Variants in PCDHA2 observed in about 807,000 individuals in gnomAD.
PCDHA2 encodes protocadherin alpha 2, also known as protocadherin alpha-2.
PCDHA2 carries 58 observed loss-of-function variants against 66.0 expected under a neutral mutation model. The observed-to-expected ratio is 0.88, with a 90% CI of 0.71 to 1.09. The LOEUF (loss-of-function observed/expected upper bound fraction) is 1.09. PCDHA2 is among the 50% of genes least tolerant of loss of function. The pLI, the probability that PCDHA2 is intolerant of heterozygous loss-of-function variation, is 0.00. For synonymous variants in PCDHA2, 634 were observed against 554.0 expected, an observed-to-expected ratio of 1.14 and a Z score of -2.03; for missense variants, 1,267 against 1,242.3, an observed-to-expected ratio of 1.02 and a Z score of -0.30.
At position 140,851,080 on chromosome 5, in the gene PCDHA2, T is replaced by C. The variant is rs1329158388; in HGVS notation, c.2388+53728T>C. On this transcript the variant is annotated intron_variant, in intron 1 of 3. Coordinates refer to ENST00000526136, the MANE Select transcript of PCDHA2 (RefSeq NM_018905.3). ...GACTTCTAGTGAGAATTATAAACTGTATATTAAATAGATATTTTTTGGGTG... is the reference window on the plus strand; with the variant it reads ...GACTTCTAGTGAGAATTATAAACTGCATATTAAATAGATATTTTTTGGGTG... 5 of 1,302,950 alleles carry C rather than the reference T, an allele frequency of 3.8e-6. No individual in the cohort carries two copies. In the African/African-American group the frequency reaches 6.1e-5, roughly 16 times the overall value. The allele number at this position is 1,302,950 out of a possible 1,614,324, so 80.7% of individuals were successfully genotyped here.
intron 1 of PCDHA2, chr5:140,967,906 C>T (rs529421659): frequency 1.2e-6 from 2 of 1,614,208 alleles, no homozygotes; most frequent in Non-Finnish European, 1.7e-6. Context: ...ATGCTACACC[C>T]AACACCATTG....
intron 3 of PCDHA2, among the ~76,000 whole-genome samples, chr5:140,986,151 G>T (rs547474191): frequency 6.6e-6 from 1 of 152,316 alleles, no homozygotes; most frequent in East Asian, 1.9e-4. Flanking sequence ...GCATCACCAA[G>T]TAATGTTTTC....
At position 140,795,814 on chromosome 5, in the gene PCDHA2, G is replaced by A; in HGVS notation, c.850G>A (p.Asp284Asn). The part of the protein sequence containing the change: ...NSEIVYSLGS[D>N]VSSTIQTKFT... ...CGAGATTGTGTATTCACTCGGTAGT[G>A]ATGTGTCCTCCACTATACAGACTAA... Residue 284 changes from aspartate (D) to asparagine (N), a missense_variant, in exon 1 of 4, where the codon GAT becomes AAT. Physicochemically the swap from Asp to Asn is conservative, Grantham distance 23. Coordinates refer to ENST00000526136, the MANE Select transcript of PCDHA2 (RefSeq NM_018905.3). The A allele has an allele frequency of 6.2e-7, 1 of 1,613,750 alleles. No homozygotes were observed. The highest frequency in any genetic ancestry group is 8.5e-7 in the Non-Finnish European group (1 of 1,179,846).
rs142640080 is a variant in PCDHA2 at position 140,917,521 on chromosome 5, C to T, written c.2389-61428C>T. Among the ~76,000 whole-genome samples the T allele has an allele frequency of 5.8e-4, 88 of 152,256 alleles. 1 individual carries two copies. In the East Asian group the frequency reaches 0.015, roughly 26 times the overall value. On this transcript the variant is annotated intron_variant, in intron 1 of 3. Transcript: ENST00000526136. ...ATGATATTTTCTAGGTTTTATTCTA[C>T]GGTTTGTATAGTTTTAGGTTTTACA...
At chr5:140,825,666 C>T (rs1209779806) in intron 1 of PCDHA2, 2 of 152,100 alleles carry the variant, frequency 1.3e-5, no homozygotes, top group Non-Finnish European at 2.9e-5. Context: ...AGGTGATTTA[C>T]CCGCCTCGGC....
chr5:140,886,827 GAAA>G (rs782016620), intron 1 of PCDHA2, among the ~76,000 whole-genome samples: 1 of 60,882 alleles, frequency 1.6e-5, no homozygotes. Flanking sequence ...ACTTCGTCTT[GAAA>G]AAAAAAAAAA....
At position 140,828,002 on chromosome 5, in the gene PCDHA2, G is replaced by A. The variant is rs2150150131; in HGVS notation, c.2388+30650G>A. 1.2e-5 allele frequency: 18 copies of A among 1,499,082 alleles called. No individual in the cohort carries two copies. In the African/African-American group the frequency reaches 1.5e-4, roughly 13 times the overall value. 92.9% of individuals were successfully genotyped at this position (1,499,082 alleles called of 1,614,324 possible). ...TGACTGTTGAATGATGGCGGACGCAGAAGAAATGGATTAATAAATTCCGGA... is the reference window on the plus strand; with the variant it reads ...TGACTGTTGAATGATGGCGGACGCAAAAGAAATGGATTAATAAATTCCGGA... On this transcript the variant is annotated intron_variant, in intron 1 of 3. Transcript: ENST00000526136.
chr5:140,855,827 A>G lies in PCDHA2; in HGVS notation c.2388+58475A>G. 2 of 557,722 alleles carry G rather than the reference A, an allele frequency of 3.6e-6. 1 individual carries two copies. Among genetic ancestry groups the G allele is most frequent in the South Asian group, 5.7e-5 (2 of 35,188 alleles). 34.5% of individuals were successfully genotyped at this position (557,722 alleles called of 1,614,324 possible). A position where few individuals can be genotyped will look rare whatever the true frequency, so the allele number is the denominator to read the frequency against. The stretch of plus-strand genomic sequence containing the variant: ...GAAAGAAAAGTTGTGAACTCATGGA[A>G]TCGTACTTACACCTAAAGCCACCGG... On this transcript the variant is annotated intron_variant, in intron 1 of 3. Coordinates refer to ENST00000526136, the MANE Select transcript of PCDHA2 (RefSeq NM_018905.3).
chr5:140,801,664 G>A, intron 1 of PCDHA2: 1 of 1,614,186 alleles, frequency 6.2e-7, no homozygotes, highest in Non-Finnish European at 8.5e-7. Context: ...TCGCTAGAGG[G>A]CGCATCAGAT....
At chr5:140,954,781 T>A (rs1312700733) in intron 1 of PCDHA2, among the ~76,000 whole-genome samples, 1 of 152,208 alleles carries the variant, frequency 6.6e-6, no homozygotes, top group Non-Finnish European at 1.5e-5. Flanking sequence ...TTTAATTAGA[T>A]CTCATTTGTC....
chr5:140,980,699 A>G (rs1183109723), intron 2 of PCDHA2, among the ~76,000 whole-genome samples: 1 of 152,186 alleles, frequency 6.6e-6, no homozygotes, highest in African/African-American at 2.4e-5. Flanking sequence ...AAAAAAGCCA[A>G]ATGTGCTCCT....
intron 3 of PCDHA2, among the ~76,000 whole-genome samples, chr5:141,005,688 C>T (rs1411519222): frequency 2.8e-5 from 3 of 107,694 alleles, no homozygotes; most frequent in African/African-American, 7.9e-5. Context: ...GGCGACAGAG[C>T]GAAACTCCGT....
chr5:140,801,966 A>C, intron 1 of PCDHA2: 2 of 1,614,214 alleles, frequency 1.2e-6, no homozygotes, highest in African/African-American at 1.3e-5. Flanking sequence ...AAATGCACCA[A>C]ATGGTACCCT....
chr5:140,920,570 G>A (rs2153557888), intron 1 of PCDHA2, among the ~76,000 whole-genome samples: 1 of 152,186 alleles, frequency 6.6e-6, no homozygotes, highest in Non-Finnish European at 1.5e-5. Flanking sequence ...CTTAGGCCAG[G>A]AGCAGTGGCT....
intron 1 of PCDHA2, among the ~76,000 whole-genome samples, chr5:140,844,605 G>GA (rs1306948486): frequency 6.7e-6 from 1 of 149,186 alleles, no homozygotes; most frequent in Non-Finnish European, 1.5e-5. Context: ...ATATGACTTA[G>GA]AAAAATGTTT....
In PCDHA2 at chr5:140,795,221, T is replaced by C. The variant is rs200649333; in HGVS notation, c.257T>C (p.Val86Ala). ...EVNLQNGILFVNSRIDREELC... is the reference protein window; with the variant it reads ...EVNLQNGILFANSRIDREELC... ...AATCTGCAGAATGGCATTTTGTTTG[T>C]GAATTCTCGGATCGACCGGGAGGAG... The change falls in exon 1 of 4, where the codon GTG becomes GCG. Residue 86 changes from valine (V) to alanine (A), a missense_variant. Transcript: ENST00000526136. 316 of 1,614,212 alleles carry C rather than the reference T, an allele frequency of 2.0e-4. 3 individuals carry two copies. Among genetic ancestry groups the C allele is most frequent in the South Asian group, 1.7e-3 (152 of 91,086 alleles).
At position 140,795,662 on chromosome 5, in the gene PCDHA2, T is replaced by C. The variant is rs1761981592; in HGVS notation, c.698T>C (p.Leu233Ser). 2 of 1,613,978 alleles carry C rather than the reference T, an allele frequency of 1.2e-6. No homozygotes were observed. Among genetic ancestry groups the C allele is most frequent in the African/African-American group, 1.3e-5 (1 of 74,922 alleles). ...ACCGTTCAAATACTTATTAAGGTAT[T>C]AGATGTAAATGACAATGAACCAACT... ...TGTVQILIKV[L>S]DVNDNEPTFA... The change falls in exon 1 of 4, where the codon TTA becomes TCA. Residue 233 changes from leucine to serine, a missense_variant. Physicochemically the swap from Leu to Ser is moderately radical, Grantham distance 145. Coordinates refer to ENST00000526136, the MANE Select transcript of PCDHA2 (RefSeq NM_018905.3).
chr5:140,887,221 C>G lies in PCDHA2; in HGVS notation c.2388+89869C>G, dbSNP rs149306651. ...ACGCCATTCTCCTGCCTCAGCCTCCCGAGTAGCTGAGACTACCGGCGCCCG... is the reference window on the plus strand; with the variant it reads ...ACGCCATTCTCCTGCCTCAGCCTCCGGAGTAGCTGAGACTACCGGCGCCCG... On this transcript the variant is annotated intron_variant, in intron 1 of 3. Transcript: ENST00000526136. Among the ~76,000 whole-genome samples, 1,413 of 151,972 alleles carry G rather than the reference C, an allele frequency of 9.3e-3. 17 individuals carry two copies. The highest frequency in any genetic ancestry group is 0.033 in the African/African-American group (1,349 of 41,450).
Position 140,850,860 on chromosome 5 carries a change from C to A in PCDHA2, c.2388+53508C>A, listed in dbSNP as rs2150500728. ...TGGATCTACAGAGCGAACGGGAGAACCCTCTGCTTCCTCAGATTCAACTGG... is the reference window on the plus strand; with the variant it reads ...TGGATCTACAGAGCGAACGGGAGAAACCTCTGCTTCCTCAGATTCAACTGG... On this transcript the variant is annotated intron_variant, in intron 1 of 3. Coordinates refer to ENST00000526136, the MANE Select transcript of PCDHA2 (RefSeq NM_018905.3). The A allele has an allele frequency of 3.1e-6, 5 of 1,593,234 alleles. 1 individual carries two copies. Among genetic ancestry groups the A allele is most frequent in the Non-Finnish European group, 4.3e-6 (5 of 1,164,206 alleles).
Sources: gnomAD v4.1 joint callset for allele counts (sites outside exome capture counted in the v4.1 genomes callset) on GRCh38, gnomAD v4.1.1 for gene constraint, MANE v1.5 for transcripts, NCBI Gene and HGNC (gene_info 2026-07-23, HGNC 2026-07-21) for gene names.